The following DMAC2L variants were observed in gnomAD, a reference collection of about 807,000 sequenced individuals.
DMAC2L encodes the protein ATP synthase subunit s, mitochondrial.
DMAC2L carries 21 observed loss-of-function variants against 22.5 expected under a neutral mutation model. That is an observed-to-expected ratio of 0.93 (90% CI 0.66 to 1.34). The LOEUF (loss-of-function observed/expected upper bound fraction) is 1.34, where lower values mean the gene tolerates loss of function less well. Ranked by LOEUF, DMAC2L falls within the 40% of genes most tolerant of loss-of-function variation. DMAC2L has a pLI of 0.00. For missense variants in DMAC2L, 239 were observed against 246.5 expected, an observed-to-expected ratio of 0.97 and a Z score of 0.20; for synonymous variants, 86 against 89.5, an observed-to-expected ratio of 0.96 and a Z score of 0.22.
At chr14:50,311,551 T>C (rs1305055060), upstream of DMAC2L, 7 of 403,660 alleles carry the variant, frequency 1.7e-5, no homozygotes, top group East Asian at 4.2e-4. Flanking sequence ...GGGGCAACAC[T>C]ATGCGGGGTG....
intron 2 of DMAC2L, 192 bp from the exon 3 acceptor site, chr14:50,321,291 A>C: frequency 8.7e-7 from 1 of 1,144,270 alleles, no homozygotes. Flanking sequence ...CATCCAGTCC[A>C]ACCCCTCATT....
intron 4 of DMAC2L, chr14:50,323,060 C>T (rs2032413020): frequency 2.0e-6 from 2 of 977,920 alleles, no homozygotes; most frequent in Non-Finnish European, 1.2e-6. Flanking sequence ...ACAGCTTCTG[C>T]TTACGTGGGC....
At chr14:50,314,100 C>T (rs572704958) in intron 1 of DMAC2L, among the ~76,000 whole-genome samples, 1 of 152,104 alleles carries the variant, frequency 6.6e-6, no homozygotes, top group Admixed American at 6.5e-5. Context: ...AGATGTACTA[C>T]AGTATTGATA....
intron 4 of DMAC2L, 64 bp downstream of exon 4, chr14:50,322,783 G>A (rs2032388127): frequency 6.2e-7 from 1 of 1,607,096 alleles, no homozygotes. Flanking sequence ...TTTTGTTGCA[G>A]TTGACTCACG....
rs1433470452 is a variant in DMAC2L, at chr14:50,322,513, T to C, written c.110T>C (p.Val37Ala). The C allele has an allele frequency of 6.3e-7, 1 of 1,596,300 alleles. No homozygotes were observed. Among genetic ancestry groups the C allele is most frequent in the East Asian group, 2.2e-5 (1 of 44,448 alleles). ...TGCTTTTTTTCTCTTGCCAACAGGGTGGATTATGATCGCATCAGGGATGTT... is the reference window on the plus strand; with the variant it reads ...TGCTTTTTTTCTCTTGCCAACAGGGCGGATTATGATCGCATCAGGGATGTT... ...WGWLNAVFNK[V>A]DYDRIRDVGP... The change falls in exon 4 of 6, where the codon GTG becomes GCG. Residue 37 changes from valine to alanine, a missense_variant and splice_region_variant. Val to Ala is a moderately conservative substitution (Grantham distance 64). Coordinates refer to ENST00000557421, the MANE Select transcript of DMAC2L (RefSeq NM_001382507.1).
intron 2 of DMAC2L, chr14:50,319,248 T>C: frequency 6.5e-7 from 1 of 1,536,144 alleles, no homozygotes; most frequent in Non-Finnish European, 8.7e-7. Context: ...TAAGAGGTAG[T>C]GGAGCAGAGG....
intron 1 of DMAC2L, among the ~76,000 whole-genome samples, chr14:50,313,323 C>A (rs1041829588): frequency 1.3e-5 from 2 of 152,174 alleles, no homozygotes; most frequent in East Asian, 1.9e-4. Context: ...GAAATCACTT[C>A]ACCTCTTTGC....
chr14:50,325,626 T>C lies in DMAC2L; in HGVS notation c.506T>C (p.Leu169Ser). 3 of 1,610,394 alleles carry C rather than the reference T, an allele frequency of 1.9e-6. No homozygotes were observed. Among genetic ancestry groups the C allele is most frequent in the Non-Finnish European group, 2.5e-6 (3 of 1,178,092 alleles). Residue 169 changes from leucine (L) to serine (S), a missense_variant, in exon 6 of 6, where the codon TTG (leucine) becomes TCG (serine). Transcript: ENST00000557421. Reference sequence around the variant, plus strand: ...ATTTGCAGAAACCTCAAATATTTGTTGTTAAGTGATCTTCCTGGAGTAAGA... The same window carrying C: ...ATTTGCAGAAACCTCAAATATTTGTCGTTAAGTGATCTTCCTGGAGTAAGA... ...LRHLRNLKYL[L>S]LSDLPGVREK...
intron 2 of DMAC2L, among the ~76,000 whole-genome samples, chr14:50,318,683 A>G (rs569629571): frequency 3.3e-5 from 5 of 150,762 alleles, no homozygotes; most frequent in Admixed American, 2.6e-4. Context: ...TCTAACTGGA[A>G]TTTTTTTTTT....
In DMAC2L at chr14:50,321,526, C is replaced by G. The variant is rs75359995; in HGVS notation, c.39C>G (p.Gly13=). Reference sequence around the variant, plus strand: ...GAAAAATTTCCCAGCAGTTGTGTGGCGTAAAGAAACTCCCATGGTCATGTG... The same window carrying G: ...GAAAAATTTCCCAGCAGTTGTGTGGGGTAAAGAAACTCCCATGGTCATGTG... ...PFGKISQQLC[G]VKKLPWSCDS... Residue 13 remains glycine, a synonymous_variant, in exon 3 of 6, where the codon GGC becomes GGG. Coordinates refer to ENST00000557421, the MANE Select transcript of DMAC2L (RefSeq NM_001382507.1). 3.3e-5 allele frequency: 54 copies of G among 1,613,854 alleles called. No individual in the cohort carries two copies. The highest frequency in any genetic ancestry group is 4.2e-5 in the Non-Finnish European group (50 of 1,179,954).
At position 50,322,634 on chromosome 14, in the gene DMAC2L, T is replaced by C; in HGVS notation, c.231T>C (p.Leu77=). 6.2e-7 allele frequency: 1 copy of C among 1,614,158 alleles called. No homozygotes were observed. The highest frequency in any genetic ancestry group is 8.5e-7 in the Non-Finnish European group (1 of 1,180,014). Residue 77 remains leucine (L), a synonymous_variant, in exon 4 of 6, where the codon CTT becomes CTC. Coordinates refer to ENST00000557421, the MANE Select transcript of DMAC2L (RefSeq NM_001382507.1). ...QERWQKDYNH[L]PTGPLDKYKI... is the part of the protein sequence containing the mutation. ...GGTGGCAGAAGGACTACAACCACCT[T>C]CCAACAGGCCCTCTGGACAAATACA...
At chr14:50,312,123 C>T, upstream of DMAC2L, 1 of 1,610,296 alleles carries the variant, frequency 6.2e-7, no homozygotes, top group Non-Finnish European at 8.5e-7. Context: ...CCGCAGGCAC[C>T]AACCAAATAA....
chr14:50,322,508 C>T lies in DMAC2L; in HGVS notation c.108-3C>T, dbSNP rs754405614. 6.3e-7 allele frequency: 1 copy of T among 1,590,040 alleles called. No individual in the cohort carries two copies. The highest frequency in any genetic ancestry group is 8.6e-7 in the Non-Finnish European group (1 of 1,162,962). On this transcript the variant is annotated splice_region_variant and splice_polypyrimidine_tract_variant and intron_variant, in intron 3 of 5. Coordinates refer to ENST00000557421, the MANE Select transcript of DMAC2L (RefSeq NM_001382507.1). The stretch of plus-strand genomic sequence containing the variant: ...CAAACTGCTTTTTTTCTCTTGCCAA[C>T]AGGGTGGATTATGATCGCATCAGGG...
At chr14:50,312,728 C>G (rs2031358304) in intron 1 of DMAC2L, 4 of 421,772 alleles carry the variant, frequency 9.5e-6, no homozygotes, top group Admixed American at 4.2e-5. Flanking sequence ...CCATCCCGGC[C>G]CCAGCCCAGT....
chr14:50,323,949 C>T lies in DMAC2L; in HGVS notation c.321C>T (p.Gly107=), dbSNP rs768288055. Residue 107 remains glycine, a synonymous_variant, in exon 5 of 6, where the codon GGC becomes GGT. Transcript: ENST00000557421. The part of the protein sequence containing the change: ...IMSIGFDHME[G]LEHVEKIRLC... ...ATCTGTACTTTTTCTCCCCAGAGGG[C>T]CTAGAGCATGTTGAAAAAATAAGGC... 1 of 1,608,858 alleles carries T rather than the reference C, an allele frequency of 6.2e-7. No individual in the cohort carries two copies. The highest frequency in any genetic ancestry group is 1.1e-5 in the South Asian group (1 of 90,184).
chr14:50,321,729 C>G, intron 3 of DMAC2L, 135 bp downstream of exon 3: 2 of 540,622 alleles, frequency 3.7e-6, no homozygotes, highest in East Asian at 3.1e-5. Flanking sequence ...ACAAACAAAA[C>G]CCACACAAAC....
rs922089696 is a variant in DMAC2L at position 50,319,082 on chromosome 14, T to G, written c.-5-2401T>G. On this transcript the variant is annotated intron_variant, in intron 2 of 5. Coordinates refer to ENST00000557421, the MANE Select transcript of DMAC2L (RefSeq NM_001382507.1). ...GAGGTTGGGTGGGATTTCCACAGAT[T>G]GATGGTGATGGGGGAGGGAGGCTAA... The G allele has an allele frequency of 1.4e-5, 14 of 985,216 alleles. No homozygotes were observed. In the Admixed American group the frequency reaches 4.3e-4, roughly 30 times the overall value. 61.0% of individuals were successfully genotyped at this position (985,216 alleles called of 1,614,324 possible). A position where few individuals can be genotyped will look rare whatever the true frequency, so the allele number is the denominator to read the frequency against.
chr14:50,326,410 T>A lies in DMAC2L; in HGVS notation c.*687T>A. 1 of 964,348 alleles carries A rather than the reference T, an allele frequency of 1.0e-6. No individual in the cohort carries two copies. 59.7% of individuals were successfully genotyped at this position (964,348 alleles called of 1,614,324 possible). The stretch of plus-strand genomic sequence containing the variant: ...TAACTTTAAAGTTAGTGAAGCATAC[T>A]ACCATAAATGCACAATTATGAAAAA... On this transcript the variant is annotated 3_prime_UTR_variant, in exon 6 of 6. Transcript: ENST00000557421.
rs1264433693 is a variant in DMAC2L, at chr14:50,313,186, T to C, written c.-42+797T>C. On this transcript the variant is annotated intron_variant, in intron 1 of 5. Coordinates refer to ENST00000557421, the MANE Select transcript of DMAC2L (RefSeq NM_001382507.1). ...GCTAACACTCATTCTGTATGCTTGA[T>C]GGCAGTTTTTAATTTTTAGGGTTAG... 6.5e-6 allele frequency: 5 copies of C among 766,114 alleles called. No individual in the cohort carries two copies. In the East Asian group the frequency reaches 1.4e-4, roughly 21 times the overall value. The allele number at this position is 766,114 out of a possible 1,614,324, so 47.5% of individuals were successfully genotyped here.
Sources: gnomAD v4.1 joint callset for allele counts (sites outside exome capture counted in the v4.1 genomes callset) on GRCh38, gnomAD v4.1.1 for gene constraint, MANE v1.5 for transcripts, NCBI Gene and HGNC (gene_info 2026-07-23, HGNC 2026-07-21) for gene names.